SEC24C: variants seen among roughly 807,000 people sequenced by gnomAD.
SEC24C encodes the protein SEC24 homolog C, COPII component.
In SEC24C, 22 loss-of-function variants were observed where a neutral mutation model predicts 117.0. The observed-to-expected ratio is 0.19, with a 90% confidence interval of 0.13 to 0.27. The LOEUF (loss-of-function observed/expected upper bound fraction) is 0.27, where lower values mean the gene tolerates loss of function less well. SEC24C is among the 10% of genes least tolerant of loss of function. SEC24C has a pLI of 1.00. For missense variants in SEC24C, 1,155 were observed against 1,375.1 expected, an observed-to-expected ratio of 0.84 and a Z score of 2.53; for synonymous variants, 506 against 529.4, an observed-to-expected ratio of 0.96 and a Z score of 0.61.
Position 73,768,866 on chromosome 10 carries a change from T to A in SEC24C, c.2238T>A (p.Val746=). 6.2e-7 allele frequency: 1 copy of A among 1,614,090 alleles called. No homozygotes were observed. The highest frequency in any genetic ancestry group is 8.5e-7 in the Non-Finnish European group (1 of 1,180,030). Residue 746 remains valine (V), a synonymous_variant, in exon 16 of 23, where the codon GTT becomes GTA. Transcript: ENST00000345254. ...LSDLRRDVQK[V]VGFDAVMRVR... ...ACCTGCGTCGTGATGTCCAGAAGGT[T>A]GTTGGCTTTGATGCTGTGATGCGGG...
rs17851695 is a variant in SEC24C, at chr10:73,759,638, C to T, written c.325C>T (p.Pro109Ser). ...TTTTCACAGGCTGCCTGGGTCTCAG[C>T]CATTTGGGTCCCCATTGGCCCCTGT... The part of the protein sequence containing the change: ...VQMQRLPGSQ[P>S]FGSPLAPVGN... Residue 109 changes from proline to serine, a missense_variant, in exon 4 of 23, where the codon CCA (proline) becomes TCA (serine). Physicochemically the swap from Pro to Ser is moderately conservative, Grantham distance 74. Transcript: ENST00000345254. 6.5e-7 allele frequency: 1 copy of T among 1,532,604 alleles called. No individual in the cohort carries two copies. Among genetic ancestry groups the T allele is most frequent in the Non-Finnish European group, 8.8e-7 (1 of 1,141,492 alleles). 94.9% of individuals were successfully genotyped at this position (1,532,604 alleles called of 1,614,324 possible).
intron 3 of SEC24C, among the ~76,000 whole-genome samples, chr10:73,755,352 T>C (rs1439694648): frequency 6.6e-6 from 1 of 151,934 alleles, no homozygotes; most frequent in African/African-American, 2.4e-5. Flanking sequence ...AGTTTCAGTG[T>C]AGAGATAAAG....
intron 21 of SEC24C, 60 bp downstream of exon 21, chr10:73,770,531 G>A (rs2082961488): frequency 1.3e-6 from 2 of 1,585,174 alleles, no homozygotes; most frequent in Non-Finnish European, 1.7e-6. Context: ...AAACAATTGG[G>A]AGCCAATATA....
At chr10:73,763,667 CTTTTTTTTTTTTTTTTTTT>C (rs71021569) in intron 7 of SEC24C, 66 bp downstream of exon 7, 121 of 60,496 alleles carry the variant, frequency 2.0e-3, no homozygotes, top group African/African-American at 8.7e-3. Flanking sequence ...ATGGTTGGGG[CTTTTTTTTTTTTTTTTTTT>C]TTTTTTTTTT....
intron 1 of SEC24C, among the ~76,000 whole-genome samples, chr10:73,746,155 T>A (rs1482577466): frequency 1.2e-5 from 1 of 83,726 alleles, no homozygotes; most frequent in Non-Finnish European, 2.4e-5. Flanking sequence ...TGAGACTCCG[T>A]CTCAAAAAAA....
chr10:73,754,914 G>C (rs996199720), intron 3 of SEC24C, among the ~76,000 whole-genome samples: 2 of 151,980 alleles, frequency 1.3e-5, no homozygotes, highest in South Asian at 2.1e-4. Flanking sequence ...CAGGCAGATT[G>C]CTTGAGCTCA....
chr10:73,754,462 T>C (rs2082683869), intron 3 of SEC24C, among the ~76,000 whole-genome samples: 1 of 152,162 alleles, frequency 6.6e-6, no homozygotes, highest in Non-Finnish European at 1.5e-5. Flanking sequence ...TGATGCCGTA[T>C]AACCCACATC....
At position 73,760,059 on chromosome 10, in the gene SEC24C, A is replaced by C. The variant is rs1361999126; in HGVS notation, c.523A>C (p.Asn175His). The change falls in exon 5 of 23, where the codon AAC becomes CAC. Residue 175 changes from asparagine to histidine, a missense_variant. Transcript: ENST00000345254. ...GGCTTCAGCCTCAGGAAGTTTCCCT[A>C]ACTCTGGTCTGTATGGCTCCTATCC... ...SLASASGSFP[N>H]SGLYGSYPQG... is the part of the protein sequence containing the mutation. The C allele has an allele frequency of 6.2e-7, 1 of 1,600,024 alleles. No individual in the cohort carries two copies. Among genetic ancestry groups the C allele is most frequent in the Admixed American group, 1.7e-5 (1 of 57,896 alleles).
chr10:73,767,298 C>G lies in SEC24C; in HGVS notation c.2010+128C>G, dbSNP rs1310315728. 21 of 641,306 alleles carry G rather than the reference C, an allele frequency of 3.3e-5. 1 individual carries two copies. The highest frequency in any genetic ancestry group is 5.6e-5 in the Non-Finnish European group (20 of 356,916). The allele number at this position is 641,306 out of a possible 1,614,324, so 39.7% of individuals were successfully genotyped here. A position where few individuals can be genotyped will look rare whatever the true frequency, so the allele number is the denominator to read the frequency against. ...AAATACCATATCTGTGACTGCCAAC[C>G]TCCACTGCTGCCATACTTCTCTACT... On this transcript the variant is annotated intron_variant, in intron 14 of 22. Coordinates refer to ENST00000345254, the MANE Select transcript of SEC24C (RefSeq NM_198597.3).
At position 73,771,218 on chromosome 10, in the gene SEC24C, A is replaced by C. The variant is rs1223447369; in HGVS notation, c.*123A>C. ...CCTCAGTCTCTCTGGGGGGAGGGGG[A>C]GATATAAGGAGACACCTTCTTTCTG... On this transcript the variant is annotated 3_prime_UTR_variant, in exon 23 of 23. Coordinates refer to ENST00000345254, the MANE Select transcript of SEC24C (RefSeq NM_198597.3). 3 of 1,106,618 alleles carry C rather than the reference A, an allele frequency of 2.7e-6. No individual in the cohort carries two copies. The highest frequency in any genetic ancestry group is 3.9e-6 in the Non-Finnish European group (3 of 774,602). 68.5% of individuals were successfully genotyped at this position (1,106,618 alleles called of 1,614,324 possible). A position where few individuals can be genotyped will look rare whatever the true frequency, so the allele number is the denominator to read the frequency against.
At position 73,771,541 on chromosome 10, in the gene SEC24C, C is replaced by G. The variant is rs993163218; in HGVS notation, c.*446C>G. The G allele has an allele frequency of 5.9e-6, 1 of 168,418 alleles. No homozygotes were observed. The highest frequency in any genetic ancestry group is 1.3e-5 in the Non-Finnish European group (1 of 77,292). The allele number at this position is 168,418 out of a possible 1,614,324, so 10.4% of individuals were successfully genotyped here. A position where few individuals can be genotyped will look rare whatever the true frequency, so the allele number is the denominator to read the frequency against. On this transcript the variant is annotated 3_prime_UTR_variant, in exon 23 of 23. Coordinates refer to ENST00000345254, the MANE Select transcript of SEC24C (RefSeq NM_198597.3). The stretch of plus-strand genomic sequence containing the variant: ...ATTAGGGATAAAACATATAGGTGCA[C>G]AAGAGCTGGGGTATAGCCCATAGGT...
chr10:73,768,761 A>G (rs1565048756), intron 15 of SEC24C, 49 bp from the exon 16 acceptor site: 1 of 1,576,816 alleles, frequency 6.3e-7, no homozygotes. Context: ...TGTCTGCACG[A>G]TGAGCTATGT....
At chr10:73,751,266 A>C in intron 3 of SEC24C, 23 bp downstream of exon 3, 1 of 1,604,690 alleles carries the variant, frequency 6.2e-7, no homozygotes, top group Non-Finnish European at 8.5e-7. Context: ...TCAATCTAAA[A>C]TTGGTCTGAT....
chr10:73,765,779 A>T (rs1224387443), intron 9 of SEC24C, 21 bp from the exon 10 acceptor site: 21 of 1,603,664 alleles, frequency 1.3e-5, no homozygotes, highest in Middle Eastern at 3.3e-4. Context: ...TTCGAGTAAC[A>T]CACTGCCATG....
chr10:73,771,139 A>G lies in SEC24C; in HGVS notation c.*44A>G, dbSNP rs2082975540. 1 of 1,598,874 alleles carries G rather than the reference A, an allele frequency of 6.3e-7. No homozygotes were observed. Among genetic ancestry groups the G allele is most frequent in the Admixed American group, 1.7e-5 (1 of 58,078 alleles). ...ATAGGGCCCAGGCTAGCTTCCAGAA[A>G]GCACCCCAGGATGTCAGAGAAATTG... On this transcript the variant is annotated 3_prime_UTR_variant, in exon 23 of 23. Coordinates refer to ENST00000345254, the MANE Select transcript of SEC24C (RefSeq NM_198597.3).
At chr10:73,762,148 C>T (rs984290542) in intron 6 of SEC24C, 70 of 1,289,686 alleles carry the variant, frequency 5.4e-5, no homozygotes, top group African/African-American at 9.1e-5. Flanking sequence ...GAATAGACCC[C>T]GATGCCATTC....
chr10:73,759,534 T>G, intron 3 of SEC24C, 88 bp from the exon 4 acceptor site: 4 of 1,017,810 alleles, frequency 3.9e-6, no homozygotes, highest in Non-Finnish European at 5.3e-6. Flanking sequence ...CACAAAACAA[T>G]GTAGCTTCCT....
chr10:73,767,081 C>G lies in SEC24C; in HGVS notation c.1921C>G (p.Leu641Val). The change falls in exon 14 of 23, where the codon CTA becomes GTA. Residue 641 changes from leucine to valine, a missense_variant. Leu to Val is a conservative substitution (Grantham distance 32). This residue lies in a region of SEC24C where 759 missense variants were observed against 992.3 expected (regional missense o/e 0.76). Coordinates refer to ENST00000345254, the MANE Select transcript of SEC24C (RefSeq NM_198597.3). Reference sequence around the variant, plus strand: ...TGCTGAGTGTGCAGGGAAGCTCTTTCTATTCCATACATCCCTGCCCATTGC... The same window carrying G: ...TGCTGAGTGTGCAGGGAAGCTCTTTGTATTCCATACATCCCTGCCCATTGC... ...KAAECAGKLF[L>V]FHTSLPIAEA... is the part of the protein sequence containing the mutation. The G allele has an allele frequency of 6.2e-7, 1 of 1,613,974 alleles. No individual in the cohort carries two copies. Among genetic ancestry groups the G allele is most frequent in the Non-Finnish European group, 8.5e-7 (1 of 1,179,872 alleles).
At chr10:73,747,641 C>A (rs568998806) in intron 2 of SEC24C, among the ~76,000 whole-genome samples, 64 of 149,830 alleles carry the variant, frequency 4.3e-4, no homozygotes, top group African/African-American at 1.4e-3. Context: ...CGTGAGCTAC[C>A]GTGCCTGGCC....
Sources: gnomAD v4.1 joint callset for allele counts (sites outside exome capture counted in the v4.1 genomes callset) on GRCh38, gnomAD v4.1.1 for gene constraint, gnomAD v4.1.1 regional missense constraint, MANE v1.5 for transcripts, NCBI Gene and HGNC (gene_info 2026-07-23, HGNC 2026-07-21) for gene names.